PEX5L: variants seen among roughly 807,000 people sequenced by gnomAD.
The protein encoded by PEX5L is peroxisomal biogenesis factor 5 like.
PEX5L carries 30 observed loss-of-function variants against 84.0 expected under a neutral mutation model. The observed-to-expected ratio is 0.36, with a 90% CI of 0.27 to 0.48. The LOEUF (loss-of-function observed/expected upper bound fraction) is 0.48, where lower values mean the gene tolerates loss of function less well. Ranked by LOEUF, PEX5L falls within the 20% of genes least tolerant of loss-of-function variation. The probability of loss-of-function intolerance (pLI) is 0.99; values close to 1 mark genes in which losing one functional copy is unlikely to be tolerated. For missense variants in PEX5L, 533 were observed against 754.6 expected (o/e 0.71, Z 3.44); for synonymous variants, 270 against 283.1 (o/e 0.95, Z 0.46).
chr3:179,946,661 T>C (rs771194755), intron 2 of PEX5L, among the ~76,000 whole-genome samples: 4 of 152,330 alleles, frequency 2.6e-5, no homozygotes, highest in Admixed American at 2.0e-4. Context: ...GAGGTACTGA[T>C]TAAATCAGAA....
chr3:180,022,210 C>T (rs569662651), intron 1 of PEX5L, among the ~76,000 whole-genome samples: 1 of 152,306 alleles, frequency 6.6e-6, no homozygotes, highest in East Asian at 1.9e-4. Flanking sequence ...AGTCCTTCCA[C>T]ACTCCTAAAT....
chr3:179,895,988 A>C (rs1759131016), intron 3 of PEX5L: 1 of 152,132 alleles, frequency 6.6e-6, no homozygotes. Flanking sequence ...TACAGGAGAC[A>C]CTGGGACAAA....
intron 2 of PEX5L, among the ~76,000 whole-genome samples, chr3:179,916,710 C>T (rs1462292936): frequency 6.6e-6 from 1 of 152,170 alleles, no homozygotes; most frequent in Non-Finnish European, 1.5e-5. Flanking sequence ...CGTTTTGTCA[C>T]TGAGGCTGGA....
intron 2 of PEX5L, among the ~76,000 whole-genome samples, chr3:179,924,760 C>T (rs1209290130): frequency 6.6e-6 from 1 of 152,048 alleles, no homozygotes; most frequent in African/African-American, 2.4e-5. Flanking sequence ...TCCTTGCCTC[C>T]TTATACCTTA....
intron 1 of PEX5L, among the ~76,000 whole-genome samples, chr3:180,009,884 G>A (rs1439670453): frequency 6.6e-6 from 1 of 152,060 alleles, no homozygotes; most frequent in Non-Finnish European, 1.5e-5. Context: ...CTCCATATTG[G>A]GTGATTCTTC....
intron 1 of PEX5L, among the ~76,000 whole-genome samples, chr3:180,025,760 G>A (rs771812320): frequency 3.3e-5 from 5 of 152,198 alleles, no homozygotes; most frequent in African/African-American, 9.7e-5. Context: ...CAGGCACGCC[G>A]TGGCTAAACT....
intron 1 of PEX5L, among the ~76,000 whole-genome samples, chr3:180,005,621 C>A (rs1788814653): frequency 6.6e-6 from 1 of 151,918 alleles, no homozygotes; most frequent in Non-Finnish European, 1.5e-5. Flanking sequence ...CTGAGCTACT[C>A]GGGACGCTGA....
At chr3:179,995,267 T>C (rs1428742780) in intron 1 of PEX5L, among the ~76,000 whole-genome samples, 1 of 150,396 alleles carries the variant, frequency 6.6e-6, no homozygotes, top group East Asian at 1.9e-4. Flanking sequence ...TATATATGTA[T>C]ATAGTTCTCT....
chr3:179,905,290 T>C (rs1364781751), intron 2 of PEX5L, among the ~76,000 whole-genome samples: 1 of 151,540 alleles, frequency 6.6e-6, no homozygotes, highest in East Asian at 1.9e-4. Flanking sequence ...TTTTTTTTTT[T>C]GAGATGGAGT....
chr3:180,003,135 A>AGG (rs1788574612), intron 1 of PEX5L, among the ~76,000 whole-genome samples: 4 of 152,152 alleles, frequency 2.6e-5, no homozygotes. Flanking sequence ...GACTTCAAAT[A>AGG]CCCTATTGAG....
rs893214097 is a variant in PEX5L at position 179,845,950 on chromosome 3, A to G, written c.822+13112T>C. Reference sequence around the variant, plus strand: ...TTTGGGAGGCTGAGACGGGCAGATCACCTGAGGTCAGGAGTTTGAGACCAG... The same window carrying G: ...TTTGGGAGGCTGAGACGGGCAGATCGCCTGAGGTCAGGAGTTTGAGACCAG... On this transcript the variant is annotated intron_variant, in intron 8 of 14. Coordinates refer to ENST00000467460, the MANE Select transcript of PEX5L (RefSeq NM_016559.3). 8.5e-5 allele frequency among the ~76,000 whole-genome samples: 13 copies of G among 152,306 alleles called. No homozygotes were observed. The East Asian group carries it at 1.2e-3, about 14-fold the overall frequency.
chr3:179,934,709 T>A (rs1179000518), intron 2 of PEX5L, among the ~76,000 whole-genome samples: 1 of 152,208 alleles, frequency 6.6e-6, no homozygotes, highest in Non-Finnish European at 1.5e-5. Context: ...GTATTCCCTA[T>A]GCCGTTTATT....
intron 2 of PEX5L, among the ~76,000 whole-genome samples, chr3:179,936,050 A>G (rs987033468): frequency 5.9e-5 from 9 of 152,170 alleles, no homozygotes; most frequent in African/African-American, 2.2e-4. Flanking sequence ...TTCTTTATAA[A>G]TTATCCAGTC....
chr3:179,802,798 T>C (rs751407725), intron 14 of PEX5L, among the ~76,000 whole-genome samples: 4 of 151,582 alleles, frequency 2.6e-5, no homozygotes. Flanking sequence ...ACAGCTAGAG[T>C]AGATTGAGTT....
At chr3:179,819,765 G>T in intron 9 of PEX5L, 95 bp downstream of exon 9, 1 of 1,022,490 alleles carries the variant, frequency 9.8e-7, no homozygotes, top group Non-Finnish European at 1.5e-6. Flanking sequence ...TTTAATTACT[G>T]TGTTTTTGAC....
At chr3:179,857,990 A>T (rs1744648614) in intron 8 of PEX5L, among the ~76,000 whole-genome samples, 2 of 152,170 alleles carry the variant, frequency 1.3e-5, no homozygotes, top group Non-Finnish European at 1.5e-5. Flanking sequence ...GTGTTCTCTT[A>T]TTGGCTTTCT....
intron 14 of PEX5L, among the ~76,000 whole-genome samples, chr3:179,807,372 A>C (rs1721724152): frequency 1.3e-5 from 2 of 152,170 alleles, no homozygotes; most frequent in Admixed American, 6.5e-5. Context: ...GGGGGTGTTG[A>C]AAATGCTGAT....
chr3:179,851,459 G>A (rs1410742600), intron 8 of PEX5L, among the ~76,000 whole-genome samples: 1 of 152,170 alleles, frequency 6.6e-6, no homozygotes, highest in Non-Finnish European at 1.5e-5. Flanking sequence ...TGGGGATTGG[G>A]CTTCAACCTA....
At chr3:179,914,363 G>T (rs1209394774) in intron 2 of PEX5L, among the ~76,000 whole-genome samples, 1 of 152,166 alleles carries the variant, frequency 6.6e-6, no homozygotes, top group East Asian at 1.9e-4. Flanking sequence ...CCAAGTTACT[G>T]TGCTCTGTCT....
Sources: allele counts gnomAD v4.1 joint callset (sites outside exome capture counted in the v4.1 genomes callset), GRCh38; gene constraint gnomAD v4.1.1; transcripts MANE v1.5; gene names NCBI Gene and HGNC (gene_info 2026-07-23, HGNC 2026-07-21).